The following ROBO2 variants were observed in gnomAD, a reference collection of about 807,000 sequenced individuals.
The protein encoded by ROBO2 is roundabout homolog 2.
In ROBO2, 53 loss-of-function variants were observed where a neutral mutation model predicts 160.8. That is an observed-to-expected ratio of 0.33 (90% CI 0.26 to 0.41). The LOEUF (loss-of-function observed/expected upper bound fraction) is 0.41. ROBO2 is among the 10% of genes least tolerant of loss of function. ROBO2 has a pLI of 1.00. For missense variants in ROBO2, 1,577 were observed against 1,722.4 expected, an observed-to-expected ratio of 0.92 and a Z score of 1.49; for synonymous variants, 664 against 611.7, an observed-to-expected ratio of 1.09 and a Z score of -1.26.
chr3:76,589,573 A>G (rs1395453190), intron 2 of ROBO2, among the ~76,000 whole-genome samples: 2 of 152,216 alleles, frequency 1.3e-5, no homozygotes, highest in Non-Finnish European at 2.9e-5. Flanking sequence ...ATTATAAACA[A>G]TGTTCTCTAA....
intron 2 of ROBO2, among the ~76,000 whole-genome samples, chr3:76,224,821 C>T (rs1704186111): frequency 1.3e-5 from 2 of 152,118 alleles, no homozygotes; most frequent in African/African-American, 4.8e-5. Context: ...TTCAATCATC[C>T]TGGCATTTTC....
At chr3:76,924,070 T>A (rs888677257) in intron 2 of ROBO2, among the ~76,000 whole-genome samples, 4 of 152,218 alleles carry the variant, frequency 2.6e-5, no homozygotes, top group Non-Finnish European at 5.9e-5. Flanking sequence ...TGCTTAAGAA[T>A]TTGAGCGACA....
At chr3:76,153,355 T>C (rs2072280194) in intron 2 of ROBO2, among the ~76,000 whole-genome samples, 1 of 152,164 alleles carries the variant, frequency 6.6e-6, no homozygotes. Flanking sequence ...CCAGCAGAAA[T>C]GACTTATGTT....
chr3:76,085,323 G>A (rs774430789), intron 2 of ROBO2, among the ~76,000 whole-genome samples: 9 of 152,044 alleles, frequency 5.9e-5, no homozygotes, highest in Non-Finnish European at 1.2e-4. Context: ...TGCTATGCAA[G>A]TTTGTGTTCT....
intron 2 of ROBO2, among the ~76,000 whole-genome samples, chr3:76,808,745 G>A (rs1487037173): frequency 6.6e-6 from 1 of 152,102 alleles, no homozygotes; most frequent in Non-Finnish European, 1.5e-5. Flanking sequence ...TGTGATGAGA[G>A]ACGTGTCTAT....
chr3:77,246,724 A>G (rs1293354056), intron 2 of ROBO2, among the ~76,000 whole-genome samples: 2 of 152,168 alleles, frequency 1.3e-5, no homozygotes, highest in Non-Finnish European at 2.9e-5. Context: ...ATTACCTAAT[A>G]TATTCTGAAA....
chr3:75,928,269 C>A, intron 1 of ROBO2, among the ~76,000 whole-genome samples: 1 of 152,182 alleles, frequency 6.6e-6, no homozygotes, highest in East Asian at 1.9e-4. Context: ...CAGGCGTGAG[C>A]CACCGTGCCC....
At chr3:77,154,411 G>A (rs959481100) in intron 2 of ROBO2, among the ~76,000 whole-genome samples, 2 of 152,034 alleles carry the variant, frequency 1.3e-5, no homozygotes, top group African/African-American at 2.4e-5. Context: ...ATACATCCTT[G>A]GTGGGGATGT....
chr3:76,537,679 A>G (rs917407510), intron 2 of ROBO2, among the ~76,000 whole-genome samples: 1 of 152,076 alleles, frequency 6.6e-6, no homozygotes, highest in African/African-American at 2.4e-5. Context: ...AGCACCAAGT[A>G]TCACTCATGT....
chr3:76,597,242 A>C (rs552989215), intron 2 of ROBO2, among the ~76,000 whole-genome samples: 6 of 152,182 alleles, frequency 3.9e-5, no homozygotes, highest in Admixed American at 1.3e-4. Context: ...ACAATTCATA[A>C]AAGAAAAAAT....
intron 2 of ROBO2, among the ~76,000 whole-genome samples, chr3:76,377,648 A>AAAACT (rs1189612424): frequency 2.0e-5 from 3 of 152,156 alleles, no homozygotes; most frequent in Admixed American, 2.0e-4. Flanking sequence ...CTATGTGAGA[A>AAAACT]AAACTGAAGA....
chr3:76,189,474 C>G (rs149733472), intron 2 of ROBO2, among the ~76,000 whole-genome samples: 2 of 151,860 alleles, frequency 1.3e-5, no homozygotes, highest in African/African-American at 4.8e-5. Flanking sequence ...TTCTATTTTG[C>G]TTTTTGTTTC....
At chr3:76,332,228 T>C (rs2073545411) in intron 2 of ROBO2, among the ~76,000 whole-genome samples, 1 of 152,318 alleles carries the variant, frequency 6.6e-6, no homozygotes, top group Admixed American at 6.5e-5. Context: ...GGAAGAGGGA[T>C]CATGGTTTCA....
At chr3:76,072,480 C>T (rs1489091) in intron 2 of ROBO2, among the ~76,000 whole-genome samples, 95,451 of 151,812 alleles carry the variant, frequency 0.63, 30,648 homozygotes, top group Middle Eastern at 0.76. Flanking sequence ...ACCAGTTTAT[C>T]CAATAAGGCC....
At chr3:76,851,758 AAAAAAAAT>A (rs1288093838) in intron 2 of ROBO2, among the ~76,000 whole-genome samples, 6 of 140,792 alleles carry the variant, frequency 4.3e-5, no homozygotes, top group Admixed American at 3.4e-4. Context: ...AAAAAAAAAA[AAAAAAAAT>A]ATTAACATGT....
At chr3:76,603,690 T>C (rs1297444440) in intron 2 of ROBO2, among the ~76,000 whole-genome samples, 1 of 152,018 alleles carries the variant, frequency 6.6e-6, no homozygotes, top group East Asian at 1.9e-4. Flanking sequence ...AGTTATTCCA[T>C]CTGGAATGCT....
intron 2 of ROBO2, among the ~76,000 whole-genome samples, chr3:76,742,192 A>G (rs1208657447): frequency 6.6e-6 from 1 of 150,544 alleles, no homozygotes; most frequent in Admixed American, 6.6e-5. Flanking sequence ...ATATACAAAG[A>G]TAAAGATGTT....
intron 2 of ROBO2, among the ~76,000 whole-genome samples, chr3:76,674,324 C>T (rs2092347709): frequency 6.6e-6 from 1 of 152,030 alleles, no homozygotes; most frequent in Non-Finnish European, 1.5e-5. Context: ...TGCTGATAAT[C>T]TTGGAACGGC....
Position 77,505,512 on chromosome 3 carries a change from T to C in ROBO2, c.806+12130T>C, listed in dbSNP as rs140234808. Among the ~76,000 whole-genome samples, 1,133 of 152,292 alleles carry C rather than the reference T, an allele frequency of 7.4e-3. 16 individuals carry two copies. The highest frequency in any genetic ancestry group is 0.024 in the African/African-American group (993 of 41,574). ...TTTTTAATCATGTAATAGTATTTTC[T>C]ATCACTGAATCCAAGGTAGAATTGA... is the stretch of plus-strand genomic sequence containing the variant. On this transcript the variant is annotated intron_variant, in intron 5 of 25. Transcript: ENST00000461745.
Sources: gnomAD v4.1 joint callset for allele counts (sites outside exome capture counted in the v4.1 genomes callset) on GRCh38, gnomAD v4.1.1 for gene constraint, MANE v1.5 for transcripts, NCBI Gene and HGNC (gene_info 2026-07-23, HGNC 2026-07-21) for gene names.